Variants in VSTM2A observed in about 807,000 individuals in gnomAD.
The protein encoded by VSTM2A is V-set and transmembrane domain-containing protein 2A.
Under a neutral mutation model 27.3 loss-of-function variants are expected in VSTM2A, and 13 were observed. The ratio of observed to expected loss-of-function variants is 0.48; its 90% CI spans 0.31 to 0.76. The LOEUF is 0.76. Ranked by LOEUF, VSTM2A falls within the 30% of genes least tolerant of loss-of-function variation. VSTM2A has a pLI of 0.05. For missense variants in VSTM2A, 280 were observed against 310.0 expected, an observed-to-expected ratio of 0.90 and a Z score of 0.73; for synonymous variants, 142 against 125.7, an observed-to-expected ratio of 1.13 and a Z score of -0.87.
At chr7:54,562,626 G>A (rs1788597521) in intron 4 of VSTM2A, among the ~76,000 whole-genome samples, 1 of 152,108 alleles carries the variant, frequency 6.6e-6, no homozygotes, top group Non-Finnish European at 1.5e-5. Context: ...ACTTCTGTTG[G>A]CTTCCTAATT....
intron 4 of VSTM2A, among the ~76,000 whole-genome samples, chr7:54,554,755 A>G (rs1788297697): frequency 6.6e-6 from 1 of 152,208 alleles, no homozygotes; most frequent in African/African-American, 2.4e-5. Context: ...GCCTGGAAGC[A>G]GCCTTGGGCA....
At chr7:54,563,075 G>GT (rs2115915350) in intron 4 of VSTM2A, among the ~76,000 whole-genome samples, 1 of 152,184 alleles carries the variant, frequency 6.6e-6, no homozygotes, top group South Asian at 2.1e-4. Context: ...TCTTGGAAAG[G>GT]TTTCTGTTTG....
chr7:54,551,170 C>T (rs1788181268), intron 4 of VSTM2A: 1 of 152,028 alleles, frequency 6.6e-6, no homozygotes, highest in Non-Finnish European at 1.5e-5. Context: ...CACGCACACA[C>T]ACACACATCT....
chr7:54,546,879 A>T, intron 2 of VSTM2A, 68 bp from the exon 3 acceptor site: 1 of 1,562,784 alleles, frequency 6.4e-7, no homozygotes, highest in Non-Finnish European at 8.7e-7. Flanking sequence ...CGCGAAGGCT[A>T]TGCTCGCGTG....
Position 54,544,780 on chromosome 7 carries a change from G to C in VSTM2A, c.238G>C (p.Gly80Arg). The stretch of plus-strand genomic sequence containing the variant: ...CCTGGATCCCGGGGCCGAGGGGGCC[G>C]GCGCGCAGGTAGCGGAGCCCGCCGA... Reference protein sequence around the residue: ...EDLDPGAEGAGAQVELLPDRD... With the variant: ...EDLDPGAEGARAQVELLPDRD... The change falls in exon 2 of 5, where the codon GGC (glycine) becomes CGC (arginine). Residue 80 changes from glycine to arginine, a missense_variant. Physicochemically the swap from Gly to Arg is moderately radical, Grantham distance 125. Transcript: ENST00000402613. The C allele has an allele frequency of 6.2e-7, 1 of 1,606,632 alleles. No homozygotes were observed. The highest frequency in any genetic ancestry group is 1.1e-5 in the South Asian group (1 of 90,542).
intron 2 of VSTM2A, among the ~76,000 whole-genome samples, chr7:54,545,584 G>A (rs1584042856): frequency 1.1e-5 from 1 of 91,052 alleles, no homozygotes; most frequent in Non-Finnish European, 2.3e-5. Context: ...GAGAAAGAAG[G>A]GGGAGAGAGG....
intron 2 of VSTM2A, among the ~76,000 whole-genome samples, chr7:54,545,185 G>A (rs969721198): frequency 1.9e-4 from 29 of 151,904 alleles, no homozygotes; most frequent in African/African-American, 6.5e-4. Flanking sequence ...CCCTTCTCGG[G>A]GCACCAGGCA....
At chr7:54,560,418 A>G (rs13228920) in intron 4 of VSTM2A, among the ~76,000 whole-genome samples, 10,489 of 152,232 alleles carry the variant, frequency 0.069, 429 homozygotes, top group African/African-American at 0.12. Flanking sequence ...TGATTAAATA[A>G]ATCAAACACA....
intron 4 of VSTM2A, chr7:54,560,077 C>T (rs1788506736): frequency 6.6e-6 from 1 of 151,494 alleles, no homozygotes; most frequent in South Asian, 2.1e-4. Flanking sequence ...TAAATTTTTT[C>T]CAATTAAAAA....
rs1280286170 is a variant in VSTM2A at position 54,542,487 on chromosome 7, G to A, written c.-244G>A. 1 of 530,870 alleles carries A rather than the reference G, an allele frequency of 1.9e-6. No individual in the cohort carries two copies. The highest frequency in any genetic ancestry group is 3.3e-6 in the Non-Finnish European group (1 of 303,710). The allele number at this position is 530,870 out of a possible 1,614,324, so 32.9% of individuals were successfully genotyped here. On this transcript the variant is annotated 5_prime_UTR_variant, in exon 1 of 5. Transcript: ENST00000402613. ...TGAAAGCAGGCAGCCAGGCAGCCGA[G>A]ACACTTCCCAGCGATTCCAGCCTGG...
In VSTM2A at chr7:54,570,180, A is replaced by T. The variant is rs1232085133; in HGVS notation, c.*961A>T. The stretch of plus-strand genomic sequence containing the variant: ...AAGTTGGAATTTACTATGTTCCTTT[A>T]TACATGGTGTTTATTGAGGTTTGAG... On this transcript the variant is annotated 3_prime_UTR_variant, in exon 5 of 5. Transcript: ENST00000402613. The T allele has an allele frequency of 6.6e-6, 1 of 152,168 alleles. No individual in the cohort carries two copies. Among genetic ancestry groups the T allele is most frequent in the Non-Finnish European group, 1.5e-5 (1 of 68,010 alleles). 9.4% of individuals were successfully genotyped at this position (152,168 alleles called of 1,614,324 possible).
At chr7:54,555,620 A>C (rs1562710736) in intron 4 of VSTM2A, among the ~76,000 whole-genome samples, 1 of 152,136 alleles carries the variant, frequency 6.6e-6, no homozygotes, top group African/African-American at 2.4e-5. Context: ...GTATTGTTGA[A>C]CCTTTAGTGC....
chr7:54,551,147 AC>A (rs1788178640), intron 4 of VSTM2A: 2 of 151,746 alleles, frequency 1.3e-5, no homozygotes, highest in Non-Finnish European at 1.5e-5. Context: ...GAATACACAC[AC>A]ACACACACAC....
intron 4 of VSTM2A, among the ~76,000 whole-genome samples, chr7:54,556,182 G>C (rs34832825): frequency 0.17 from 25,627 of 152,176 alleles, 2,257 homozygotes; most frequent in African/African-American, 0.18. Flanking sequence ...GCTGTTCACT[G>C]CTGTGATCAA....
In VSTM2A at chr7:54,569,577, A is replaced by G. The variant is rs4425711; in HGVS notation, c.*358A>G. ...ACCCCCTTTTTAGGGGAAGAACAAA[A>G]CTATCAACACTGCAAGTCAACAAGG... On this transcript the variant is annotated 3_prime_UTR_variant, in exon 5 of 5. Transcript: ENST00000402613. 0.13 allele frequency: 25,506 copies of G among 195,672 alleles called. 3,291 individuals carry two copies. Among genetic ancestry groups the G allele is most frequent in the African/African-American group, 0.36 (15,351 of 43,062 alleles). 12.1% of individuals were successfully genotyped at this position (195,672 alleles called of 1,614,324 possible).
chr7:54,554,933 A>G (rs990742454), intron 4 of VSTM2A, among the ~76,000 whole-genome samples: 1 of 152,236 alleles, frequency 6.6e-6, no homozygotes, highest in African/African-American at 2.4e-5. Flanking sequence ...GGTTTGTTTC[A>G]TGATAGATAC....
At chr7:54,569,030 A>G (rs1193163872) in intron 4 of VSTM2A, 101 bp from the exon 5 acceptor site, 2 of 1,604,130 alleles carry the variant, frequency 1.2e-6, no homozygotes, top group Non-Finnish European at 1.7e-6. Context: ...GCTACAAGCC[A>G]TGGACTTTCT....
intron 4 of VSTM2A, among the ~76,000 whole-genome samples, chr7:54,555,580 A>G (rs999859056): frequency 2.0e-5 from 3 of 152,162 alleles, no homozygotes; most frequent in African/African-American, 4.8e-5. Flanking sequence ...CAATTTGTTT[A>G]TACTTACTTT....
chr7:54,555,544 G>C (rs1287697347), intron 4 of VSTM2A, among the ~76,000 whole-genome samples: 2 of 152,158 alleles, frequency 1.3e-5, no homozygotes, highest in Non-Finnish European at 2.9e-5. Flanking sequence ...CTCTTAGTCA[G>C]AATTGGTTAC....
Sources: gnomAD v4.1 joint callset for allele counts (sites outside exome capture counted in the v4.1 genomes callset) on GRCh38, gnomAD v4.1.1 for gene constraint, MANE v1.5 for transcripts, NCBI Gene and HGNC (gene_info 2026-07-23, HGNC 2026-07-21) for gene names.